PHGDH: variants seen among roughly 807,000 people sequenced by gnomAD.
PHGDH encodes the protein phosphoglycerate dehydrogenase.
A neutral mutation model predicts 52.6 loss-of-function variants in PHGDH; 50 were observed. That is an observed-to-expected ratio of 0.95 (90% CI 0.76 to 1.20). The LOEUF (loss-of-function observed/expected upper bound fraction) is 1.20. Ranked by LOEUF, PHGDH falls within the 50% of genes most tolerant of loss-of-function variation. The probability of loss-of-function intolerance (pLI) is 0.00; values close to 1 mark genes in which losing one functional copy is unlikely to be tolerated. For synonymous variants in PHGDH, 271 were observed against 280.5 expected, an observed-to-expected ratio of 0.97 and a Z score of 0.34; for missense variants, 630 against 684.6, an observed-to-expected ratio of 0.92 and a Z score of 0.89.
chr1:119,743,179 G>A, intron 11 of PHGDH, 135 bp downstream of exon 11: 1 of 748,374 alleles, frequency 1.3e-6, no homozygotes. Flanking sequence ...CATACAGAGG[G>A]TCTGATGCCA....
At chr1:119,730,006 G>A (rs1045431045) in intron 5 of PHGDH, 1 of 152,104 alleles carries the variant, frequency 6.6e-6, no homozygotes, top group African/African-American at 2.4e-5. Flanking sequence ...AGCCCCTCCG[G>A]AGCTGCCTGG....
chr1:119,742,579 G>T, intron 10 of PHGDH: 1 of 608,644 alleles, frequency 1.6e-6, no homozygotes, highest in Admixed American at 2.7e-5. Context: ...GCCTGTGCCT[G>T]GCAGATCTCT....
chr1:119,724,103 A>T (rs1557969696), intron 3 of PHGDH, among the ~76,000 whole-genome samples: 1 of 152,164 alleles, frequency 6.6e-6, no homozygotes, highest in Non-Finnish European at 1.5e-5. Flanking sequence ...GTGGCACAGA[A>T]TGTGCTTGAG....
At chr1:119,739,769 G>A (rs1480355672) in intron 8 of PHGDH, 1 of 152,724 alleles carries the variant, frequency 6.5e-6, no homozygotes, top group African/African-American at 2.4e-5. Context: ...AGGCCCCTGG[G>A]TGGGGCAGGG....
intron 1 of PHGDH, among the ~76,000 whole-genome samples, chr1:119,716,815 G>A (rs1239471529): frequency 6.6e-6 from 1 of 152,044 alleles, no homozygotes; most frequent in African/African-American, 2.4e-5. Context: ...CACTAAAAAT[G>A]TGCTTACCCA....
Position 119,740,503 on chromosome 1 carries a change from C to A in PHGDH, c.1063C>A (p.Gln355Lys), listed in dbSNP as rs979237677. 4.4e-6 allele frequency: 7 copies of A among 1,580,246 alleles called. No homozygotes were observed. ...GGCTGGGTCCCCCAAAGGGACCATCCAGGTGATAACACAGGGTGAGCTGGG... is the reference window on the plus strand; with the variant it reads ...GGCTGGGTCCCCCAAAGGGACCATCAAGGTGATAACACAGGGTGAGCTGGG... ...AWAGSPKGTI[Q>K]VITQGTSLKN... is the part of the protein sequence containing the mutation. Residue 355 changes from glutamine to lysine, a missense_variant, in exon 9 of 12, where the codon CAG becomes AAG. Gln to Lys is a moderately conservative substitution (Grantham distance 53). Coordinates refer to ENST00000641023, the MANE Select transcript of PHGDH (RefSeq NM_006623.4).
At chr1:119,730,300 A>T (rs768339737) in intron 5 of PHGDH, among the ~76,000 whole-genome samples, 2 of 152,134 alleles carry the variant, frequency 1.3e-5, no homozygotes, top group African/African-American at 4.8e-5. Flanking sequence ...CCATTATTAA[A>T]CTGGTAGAGT....
At position 119,734,784 on chromosome 1, in the gene PHGDH, T is replaced by C; in HGVS notation, c.643+18T>C. On this transcript the variant is annotated intron_variant, in intron 6 of 11. Transcript: ENST00000641023. ...CACGACAGGTAGGTGTGTCCTTACA[T>C]TGTGGATTGGTCACAGAAGCCACAG... The C allele has an allele frequency of 6.2e-7, 1 of 1,613,732 alleles. No individual in the cohort carries two copies. The highest frequency in any genetic ancestry group is 2.2e-5 in the East Asian group (1 of 44,872).
At chr1:119,722,113 A>G (rs1651195716) in intron 2 of PHGDH, among the ~76,000 whole-genome samples, 3 of 152,246 alleles carry the variant, frequency 2.0e-5, no homozygotes, top group Admixed American at 2.0e-4. Flanking sequence ...ACTGAAGTCA[A>G]TATTCAACAG....
intron 1 of PHGDH, chr1:119,712,778 C>T (rs1048634377): frequency 2.4e-5 from 4 of 168,716 alleles, no homozygotes; most frequent in Non-Finnish European, 5.1e-5. Flanking sequence ...AGGCAGCAAA[C>T]ACGTACCCGC....
At chr1:119,713,376 C>T (rs1300635141) in intron 1 of PHGDH, 1 of 152,352 alleles carries the variant, frequency 6.6e-6, no homozygotes, top group Non-Finnish European at 1.5e-5. Context: ...TGGCGTGGAT[C>T]TTGTCACCAT....
At chr1:119,742,194 G>T (rs587668331) in intron 10 of PHGDH, 23 of 450,736 alleles carry the variant, frequency 5.1e-5, no homozygotes, top group South Asian at 4.6e-4. Flanking sequence ...GCCCGACATG[G>T]CTGCCAGGCC....
chr1:119,728,144 T>C (rs925324409), intron 5 of PHGDH, among the ~76,000 whole-genome samples: 3 of 152,172 alleles, frequency 2.0e-5, no homozygotes, highest in African/African-American at 7.2e-5. Flanking sequence ...AGTTCCCTAC[T>C]GAAGATAGCT....
At chr1:119,737,045 G>T in intron 7 of PHGDH, 69 bp from the exon 8 acceptor site, 1 of 1,522,104 alleles carries the variant, frequency 6.6e-7, no homozygotes, top group Non-Finnish European at 9.1e-7. Context: ...CTTTCCTGTT[G>T]CCTGGGGTGG....
chr1:119,733,349 T>A lies in PHGDH; in HGVS notation c.511-1285T>A, dbSNP rs867222877. ...GTTCTTTTTTATTTTGTTTTATTTT[T>A]TTTTTTTTTTCTGAGACATCTTGTT... On this transcript the variant is annotated intron_variant, in intron 5 of 11. Transcript: ENST00000641023. Among the ~76,000 whole-genome samples, 382 of 151,682 alleles carry A rather than the reference T, an allele frequency of 2.5e-3. 3 individuals carry two copies. Among genetic ancestry groups the A allele is most frequent in the African/African-American group, 7.7e-3 (318 of 41,414 alleles).
chr1:119,715,977 G>C (rs914885566), intron 1 of PHGDH: 25 of 152,674 alleles, frequency 1.6e-4, no homozygotes, highest in African/African-American at 6.0e-4. Context: ...GACAGGAGCA[G>C]ACAGCTTGGG....
intron 5 of PHGDH, among the ~76,000 whole-genome samples, chr1:119,731,433 A>G (rs1247630441): frequency 6.6e-6 from 1 of 152,216 alleles, no homozygotes; most frequent in East Asian, 1.9e-4. Context: ...TTTATGATCA[A>G]GGTTTTCCTT....
chr1:119,733,823 TTTA>T (rs1487702512), intron 5 of PHGDH, among the ~76,000 whole-genome samples: 1 of 152,210 alleles, frequency 6.6e-6, no homozygotes, highest in Non-Finnish European at 1.5e-5. Context: ...GGGCTCACTC[TTTA>T]CATTCTGTCT....
chr1:119,741,266 T>G (rs1347775691), intron 9 of PHGDH, among the ~76,000 whole-genome samples: 2 of 152,138 alleles, frequency 1.3e-5, no homozygotes, highest in African/African-American at 4.8e-5. Flanking sequence ...AGCTAAACCC[T>G]AGGCATTGAC....
Sources: gnomAD v4.1 joint callset for allele counts (sites outside exome capture counted in the v4.1 genomes callset) on GRCh38, gnomAD v4.1.1 for gene constraint, MANE v1.5 for transcripts, NCBI Gene and HGNC (gene_info 2026-07-23, HGNC 2026-07-21) for gene names.